PARD3: variants seen among roughly 807,000 people sequenced by gnomAD.
PARD3 encodes partitioning defective 3 homolog.
Under a neutral mutation model 155.4 loss-of-function variants are expected in PARD3, and 75 were observed. The observed-to-expected ratio is 0.48, with a 90% CI of 0.40 to 0.58. The LOEUF is 0.58. Ranked by LOEUF, PARD3 falls within the 20% of genes least tolerant of loss-of-function variation. The pLI, the probability that PARD3 is intolerant of heterozygous loss-of-function variation, is 0.00. For missense variants in PARD3, 1,642 were observed against 1,721.7 expected, an observed-to-expected ratio of 0.95 and a Z score of 0.82; for synonymous variants, 576 against 610.5, an observed-to-expected ratio of 0.94 and a Z score of 0.83.
At chr10:34,589,079 G>A (rs1305890836) in intron 2 of PARD3, among the ~76,000 whole-genome samples, 2 of 152,164 alleles carry the variant, frequency 1.3e-5, no homozygotes. Flanking sequence ...TATACATAGA[G>A]AGAGAGAGAC....
intron 2 of PARD3, among the ~76,000 whole-genome samples, chr10:34,628,600 G>T (rs776630668): frequency 3.3e-5 from 5 of 152,240 alleles, no homozygotes; most frequent in South Asian, 2.1e-4. Context: ...TAGCCGTTGG[G>T]GAGATAAGGC....
chr10:34,653,552 A>T (rs762384552), intron 2 of PARD3, among the ~76,000 whole-genome samples: 1 of 152,184 alleles, frequency 6.6e-6, no homozygotes, highest in Non-Finnish European at 1.5e-5. Flanking sequence ...TACCACATGA[A>T]CCATGATGAT....
chr10:34,691,943 A>T (rs2094069884), intron 2 of PARD3, among the ~76,000 whole-genome samples: 1 of 152,220 alleles, frequency 6.6e-6, no homozygotes, highest in African/African-American at 2.4e-5. Context: ...ATAAAAATCA[A>T]TTCAAAGGGC....
intron 5 of PARD3, among the ~76,000 whole-genome samples, chr10:34,414,603 C>A (rs571020112): frequency 6.6e-6 from 1 of 151,442 alleles, no homozygotes; most frequent in Non-Finnish European, 1.5e-5. Context: ...ATCACTTGAG[C>A]CCAGGAGTTC....
At chr10:34,723,275 C>T (rs1284244314) in intron 1 of PARD3, among the ~76,000 whole-genome samples, 1 of 152,148 alleles carries the variant, frequency 6.6e-6, no homozygotes, top group African/African-American at 2.4e-5. Context: ...GCCTGGGCAA[C>T]AGAGCGAGGC....
At chr10:34,759,158 A>T (rs1050005792) in intron 1 of PARD3, among the ~76,000 whole-genome samples, 1 of 152,186 alleles carries the variant, frequency 6.6e-6, no homozygotes, top group Non-Finnish European at 1.5e-5. Flanking sequence ...AATAGATACA[A>T]CTCAATGAGA....
chr10:34,695,637 T>C (rs1277802468), intron 2 of PARD3, among the ~76,000 whole-genome samples: 1 of 152,064 alleles, frequency 6.6e-6, no homozygotes, highest in Non-Finnish European at 1.5e-5. Flanking sequence ...GAGGGAACAC[T>C]GAAGAGCAGT....
At chr10:34,557,707 C>T (rs1205628810) in intron 2 of PARD3, among the ~76,000 whole-genome samples, 1 of 151,990 alleles carries the variant, frequency 6.6e-6, no homozygotes, top group Non-Finnish European at 1.5e-5. Context: ...ATCCACCTGC[C>T]TTAGCCTCCC....
intron 1 of PARD3, among the ~76,000 whole-genome samples, chr10:34,719,159 C>G (rs2094566362): frequency 6.6e-6 from 1 of 152,066 alleles, no homozygotes; most frequent in African/African-American, 2.4e-5. Flanking sequence ...GGGCAGAGCC[C>G]TTTTTAGACC....
intron 2 of PARD3, among the ~76,000 whole-genome samples, chr10:34,670,462 G>A (rs1158560249): frequency 6.6e-6 from 1 of 152,162 alleles, no homozygotes; most frequent in African/African-American, 2.4e-5. Context: ...ATATCGCCTG[G>A]TGCTCTAGAC....
chr10:34,144,920 ACAG>A (rs1948382018), intron 22 of PARD3, among the ~76,000 whole-genome samples: 1 of 152,052 alleles, frequency 6.6e-6, no homozygotes, highest in African/African-American at 2.4e-5. Flanking sequence ...GGTTTTCTGC[ACAG>A]CAGAAGTCCT....
At chr10:34,287,772 T>C (rs1956470214) in intron 20 of PARD3, among the ~76,000 whole-genome samples, 1 of 152,222 alleles carries the variant, frequency 6.6e-6, no homozygotes, top group Admixed American at 6.5e-5. Flanking sequence ...AGTAGGTTCC[T>C]GATTCATACC....
At chr10:34,141,753 C>T (rs533930283) in intron 22 of PARD3, among the ~76,000 whole-genome samples, 1 of 152,268 alleles carries the variant, frequency 6.6e-6, no homozygotes, top group South Asian at 2.1e-4. Context: ...AGTCCTCCAG[C>T]AACAGAGAAC....
chr10:34,539,060 T>C (rs939435393), intron 2 of PARD3, among the ~76,000 whole-genome samples: 1 of 152,240 alleles, frequency 6.6e-6, no homozygotes, highest in Admixed American at 6.5e-5. Flanking sequence ...TTGGTGAATA[T>C]TCACATTTTG....
chr10:34,296,355 T>C (rs1956909732), intron 20 of PARD3, among the ~76,000 whole-genome samples: 1 of 152,018 alleles, frequency 6.6e-6, no homozygotes, highest in South Asian at 2.1e-4. Flanking sequence ...CTCAGCCTCC[T>C]GAGTAGCTGG....
At chr10:34,161,693 T>A (rs1949290020) in intron 22 of PARD3, among the ~76,000 whole-genome samples, 1 of 152,148 alleles carries the variant, frequency 6.6e-6, no homozygotes, top group Non-Finnish European at 1.5e-5. Flanking sequence ...AAGTGGCAAC[T>A]CTGGTTCCAA....
intron 22 of PARD3, among the ~76,000 whole-genome samples, chr10:34,133,157 G>T (rs1253560813): frequency 4.6e-5 from 7 of 152,156 alleles, no homozygotes; most frequent in Admixed American, 2.6e-4. Context: ...ACCAAGGGGG[G>T]CACTGGGCTG....
intron 2 of PARD3, among the ~76,000 whole-genome samples, chr10:34,545,258 C>T (rs2083949788): frequency 6.6e-6 from 1 of 152,154 alleles, no homozygotes; most frequent in Admixed American, 6.5e-5. Context: ...ACAACTGGTT[C>T]ATCTCAAACC....
intron 6 of PARD3, among the ~76,000 whole-genome samples, chr10:34,401,594 T>G (rs1407201441): frequency 6.6e-6 from 1 of 152,192 alleles, no homozygotes; most frequent in Non-Finnish European, 1.5e-5. Flanking sequence ...TTCAATAGTA[T>G]TTGCCAGGGC....
Sources: gnomAD v4.1 joint callset for allele counts (sites outside exome capture counted in the v4.1 genomes callset) on GRCh38, gnomAD v4.1.1 for gene constraint, MANE v1.5 for transcripts, NCBI Gene and HGNC (gene_info 2026-07-23, HGNC 2026-07-21) for gene names.